Variants in SMC4 observed in about 807,000 individuals in gnomAD.
SMC4 encodes structural maintenance of chromosomes protein 4.
In SMC4, 87 loss-of-function variants were observed where a neutral mutation model predicts 145.6. That is an observed-to-expected ratio of 0.60 (90% CI 0.50 to 0.71). The LOEUF is 0.71. Among genes scored for constraint, SMC4 ranks in the 30% least tolerant of loss-of-function variants. The pLI is 0.00. For synonymous variants in SMC4, 558 were observed against 500.7 expected, an observed-to-expected ratio of 1.11 and a Z score of -1.53; for missense variants, 1,447 against 1,537.1, an observed-to-expected ratio of 0.94 and a Z score of 0.98.
chr3:160,427,338 A>G (rs991890399), intron 17 of SMC4, among the ~76,000 whole-genome samples: 1 of 152,228 alleles, frequency 6.6e-6, no homozygotes, highest in African/African-American at 2.4e-5. Context: ...TAAAGGAGCA[A>G]ATACAAAGGC....
intron 8 of SMC4, 137 bp from the exon 9 acceptor site, chr3:160,414,230 G>C (rs772944522): frequency 8.1e-6 from 6 of 739,112 alleles, no homozygotes; most frequent in Non-Finnish European, 1.2e-5. Flanking sequence ...GGATCATCTT[G>C]GAATAAGGAG....
At chr3:160,413,399 C>T (rs1716233293) in intron 7 of SMC4, 74 bp from the exon 8 acceptor site, 7 of 1,418,330 alleles carry the variant, frequency 4.9e-6, no homozygotes, top group Admixed American at 2.5e-5. Context: ...GTTAGTTTTA[C>T]TAAAATTGTT....
chr3:160,407,920 T>C (rs2108456719), intron 5 of SMC4, among the ~76,000 whole-genome samples: 1 of 152,310 alleles, frequency 6.6e-6, no homozygotes, highest in African/African-American at 2.4e-5. Flanking sequence ...TTTAGAAAGA[T>C]ACTAACCTTG....
intron 10 of SMC4, 117 bp downstream of exon 10, chr3:160,416,532 A>G (rs565777483): frequency 2.6e-5 from 15 of 581,456 alleles, no homozygotes; most frequent in Admixed American, 1.0e-4. Flanking sequence ...TTAATGTCCA[A>G]CATTCCTAAA....
chr3:160,409,273 A>C (rs2108459839), intron 5 of SMC4, among the ~76,000 whole-genome samples: 1 of 133,338 alleles, frequency 7.5e-6, no homozygotes, highest in Non-Finnish European at 1.5e-5. Flanking sequence ...CTCAAAAAAA[A>C]AAAAAAAAAA....
chr3:160,422,325 G>A (rs1290172321), intron 13 of SMC4, among the ~76,000 whole-genome samples: 2 of 152,186 alleles, frequency 1.3e-5, no homozygotes, highest in African/African-American at 4.8e-5. Context: ...GCATGTGTAA[G>A]GGTTCCAGTT....
intron 3 of SMC4, 110 bp from the exon 4 acceptor site, chr3:160,402,566 T>TTG (rs1714820410): frequency 1.8e-6 from 2 of 1,096,788 alleles, no homozygotes; most frequent in Admixed American, 5.3e-5. Flanking sequence ...TTTTAAATAC[T>TTG]TGCAGTTTTT....
chr3:160,415,353 A>G (rs999549676), intron 9 of SMC4, among the ~76,000 whole-genome samples: 5 of 152,102 alleles, frequency 3.3e-5, no homozygotes, highest in African/African-American at 1.2e-4. Flanking sequence ...ACAAAGTGAG[A>G]CTCTGTGTCT....
At chr3:160,425,718 G>A (rs115358360) in intron 16 of SMC4, among the ~76,000 whole-genome samples, 269 of 152,210 alleles carry the variant, frequency 1.8e-3, no homozygotes, top group Middle Eastern at 3.4e-3. Context: ...CACCATATGT[G>A]TACAATGTTT....
At chr3:160,411,719 C>A (rs1395949133) in intron 5 of SMC4, 1 of 424,574 alleles carries the variant, frequency 2.4e-6, no homozygotes, top group African/African-American at 2.0e-5. Context: ...TTCATATCTC[C>A]CTGTGTAAAA....
chr3:160,400,110 C>T (rs1292745080), intron 1 of SMC4: 3 of 152,368 alleles, frequency 2.0e-5, no homozygotes, highest in Admixed American at 1.3e-4. Context: ...GGTGACCTTT[C>T]ATGGTTTACT....
At position 160,401,957 on chromosome 3, in the gene SMC4, T is replaced by G. The variant is rs1219783035; in HGVS notation, c.182T>G (p.Ile61Ser). ...EELDNRSLEE[I>S]LNSIPPPPPP... ...CTTGATAATAGAAGTTTAGAAGAGATTTTGAACAGCATTCCTCCTCCCCCG... is the reference window on the plus strand; with the variant it reads ...CTTGATAATAGAAGTTTAGAAGAGAGTTTGAACAGCATTCCTCCTCCCCCG... The change falls in exon 3 of 24, where the codon ATT becomes AGT. Residue 61 changes from isoleucine to serine, a missense_variant. Transcript: ENST00000357388. The G allele has an allele frequency of 6.2e-7, 1 of 1,606,708 alleles. No individual in the cohort carries two copies. Among genetic ancestry groups the G allele is most frequent in the South Asian group, 1.1e-5 (1 of 89,660 alleles).
chr3:160,417,538 A>G lies in SMC4; in HGVS notation c.1438-185A>G, dbSNP rs913150119. 46 of 586,058 alleles carry G rather than the reference A, an allele frequency of 7.8e-5. No homozygotes were observed. The East Asian group carries it at 8.6e-4, about 11-fold the overall frequency. The allele number at this position is 586,058 out of a possible 1,614,324, so 36.3% of individuals were successfully genotyped here. Reference sequence around the variant, plus strand: ...TTGTGAAATCAGTTGGGAAAAGACTATGTACAGTGAATATTGACAACTAGG... The same window carrying G: ...TTGTGAAATCAGTTGGGAAAAGACTGTGTACAGTGAATATTGACAACTAGG... On this transcript the variant is annotated intron_variant, in intron 10 of 23. Coordinates refer to ENST00000357388, the MANE Select transcript of SMC4 (RefSeq NM_001002800.3).
At chr3:160,426,812 T>G (rs1461172121) in intron 17 of SMC4, among the ~76,000 whole-genome samples, 1 of 152,194 alleles carries the variant, frequency 6.6e-6, no homozygotes, top group Non-Finnish European at 1.5e-5. Context: ...TGCATCTTAA[T>G]GGGAGAAGGG....
chr3:160,430,821 TAGA>T, intron 19 of SMC4, 78 bp downstream of exon 19: 1 of 1,469,754 alleles, frequency 6.8e-7, no homozygotes. Flanking sequence ...TGACAGTGCC[TAGA>T]ATGTAGTAAG....
chr3:160,420,602 G>C (rs1432431234), intron 12 of SMC4, 138 bp from the exon 13 acceptor site: 4 of 740,146 alleles, frequency 5.4e-6, no homozygotes, highest in Non-Finnish European at 8.6e-6. Context: ...TTTGTATTTT[G>C]TTGTGTACCC....
chr3:160,413,402 A>C (rs1002023137), intron 7 of SMC4, 71 bp from the exon 8 acceptor site: 2 of 1,441,782 alleles, frequency 1.4e-6, no homozygotes, highest in Non-Finnish European at 1.9e-6. Context: ...AGTTTTACTA[A>C]AATTGTTATA....
chr3:160,432,766 T>C (rs188717339), intron 22 of SMC4: 36 of 525,024 alleles, frequency 6.9e-5, no homozygotes, highest in African/African-American at 6.7e-4. Flanking sequence ...GATTGAGAAA[T>C]TGTATTTGAT....
intron 5 of SMC4, among the ~76,000 whole-genome samples, chr3:160,408,395 GA>G (rs1459409878): frequency 6.6e-6 from 1 of 152,200 alleles, no homozygotes; most frequent in Non-Finnish European, 1.5e-5. Context: ...TGCCACTCAA[GA>G]AAGTGTTCCA....
Sources: gnomAD v4.1 joint callset for allele counts (sites outside exome capture counted in the v4.1 genomes callset) on GRCh38, gnomAD v4.1.1 for gene constraint, MANE v1.5 for transcripts, NCBI Gene and HGNC (gene_info 2026-07-23, HGNC 2026-07-21) for gene names.